The following ARID1B variants were observed in gnomAD, a reference collection of about 807,000 sequenced individuals.
ARID1B encodes the protein AT-rich interaction domain 1B, also known as AT-rich interactive domain-containing protein 1B.
A neutral mutation model predicts 212.3 loss-of-function variants in ARID1B; 30 were observed. That is an observed-to-expected ratio of 0.14 (90% CI 0.11 to 0.19). The LOEUF (loss-of-function observed/expected upper bound fraction) is 0.19, where lower values mean the gene tolerates loss of function less well. Among genes scored for constraint, ARID1B ranks in the 10% least tolerant of loss-of-function variants. ARID1B has a pLI of 1.00. For synonymous variants in ARID1B, 1,402 were observed against 1,301.7 expected, an observed-to-expected ratio of 1.08 and a Z score of -1.66; for missense variants, 2,891 against 3,204.0, an observed-to-expected ratio of 0.90 and a Z score of 2.36.
At chr6:157,106,735 G>T (rs1342682147) in intron 5 of ARID1B, among the ~76,000 whole-genome samples, 1 of 152,168 alleles carries the variant, frequency 6.6e-6, no homozygotes, top group Non-Finnish European at 1.5e-5. Context: ...GAGAGGAGGG[G>T]ATTACTCACC....
chr6:156,925,738 GA>G (rs758701352), intron 3 of ARID1B, among the ~76,000 whole-genome samples: 6 of 152,076 alleles, frequency 3.9e-5, no homozygotes, highest in Non-Finnish European at 1.5e-5. Flanking sequence ...AAGATTTTTG[GA>G]GCAGAGGGGA....
intron 1 of ARID1B, among the ~76,000 whole-genome samples, chr6:156,811,864 A>G (rs1451707349): frequency 6.6e-6 from 1 of 152,172 alleles, no homozygotes; most frequent in Admixed American, 6.5e-5. Flanking sequence ...GCTTATCTCA[A>G]GGGATATCAG....
intron 4 of ARID1B, among the ~76,000 whole-genome samples, chr6:157,013,184 G>A (rs887195765): frequency 2.0e-5 from 3 of 152,248 alleles, no homozygotes; most frequent in Non-Finnish European, 4.4e-5. Flanking sequence ...CTGCCGGCAT[G>A]AAGTTTTGAA....
chr6:156,828,490 G>T (rs1782915491), intron 1 of ARID1B, among the ~76,000 whole-genome samples: 1 of 152,184 alleles, frequency 6.6e-6, no homozygotes, highest in Non-Finnish European at 1.5e-5. Context: ...GACGTCCCAG[G>T]ACATGAAGGG....
intron 2 of ARID1B, among the ~76,000 whole-genome samples, chr6:156,862,995 C>T (rs180787075): frequency 3.9e-5 from 6 of 152,262 alleles, no homozygotes; most frequent in East Asian, 3.9e-4. Flanking sequence ...TATGGGCCTG[C>T]GCCTTAGTTG....
chr6:156,913,217 C>CT (rs372967890), intron 3 of ARID1B, among the ~76,000 whole-genome samples: 41,693 of 128,956 alleles, frequency 0.32, 7,121 homozygotes, highest in African/African-American at 0.44. Flanking sequence ...TTTTCTTTTT[C>CT]TTTTTTTTTT....
chr6:157,171,631 C>G (rs747384347), intron 9 of ARID1B, among the ~76,000 whole-genome samples: 1 of 152,200 alleles, frequency 6.6e-6, no homozygotes, highest in Non-Finnish European at 1.5e-5. Context: ...CCATTTATTA[C>G]TCTAAATTCT....
chr6:156,785,103 C>T (rs1180928621), intron 1 of ARID1B, among the ~76,000 whole-genome samples: 1 of 152,104 alleles, frequency 6.6e-6, no homozygotes, highest in Admixed American at 6.5e-5. Flanking sequence ...GTTTTCAAAC[C>T]CACATCTGTA....
At chr6:157,129,362 AG>A (rs1788372735) in intron 6 of ARID1B, among the ~76,000 whole-genome samples, 1 of 152,206 alleles carries the variant, frequency 6.6e-6, no homozygotes, top group Admixed American at 6.5e-5. Flanking sequence ...TTCCATTCCC[AG>A]TCCACTGCCG....
chr6:157,145,633 G>A (rs1008880483), intron 7 of ARID1B, among the ~76,000 whole-genome samples: 1 of 152,120 alleles, frequency 6.6e-6, no homozygotes, highest in African/African-American at 2.4e-5. Flanking sequence ...TAAGAAAGCC[G>A]GTTTTGACCA....
Position 157,201,617 on chromosome 6 carries a change from C to A in ARID1B, c.5263+129C>A. On this transcript the variant is annotated intron_variant, in intron 18 of 19. Transcript: ENST00000636930. This position sits in a 1 kb window ranked among gnomAD's most constrained non-coding sequence, Gnocchi z 5.2. ...ATTATGACTAGAAGTTATCAAGATG[C>A]GTTTTTATATAGGAGTAATATAGTT... is the stretch of plus-strand genomic sequence containing the variant. The A allele has an allele frequency of 9.0e-7, 1 of 1,110,666 alleles. No individual in the cohort carries two copies. Among genetic ancestry groups the A allele is most frequent in the Non-Finnish European group, 1.2e-6 (1 of 816,582 alleles). 68.8% of individuals were successfully genotyped at this position (1,110,666 alleles called of 1,614,324 possible). A position where few individuals can be genotyped will look rare whatever the true frequency, so the allele number is the denominator to read the frequency against.
intron 6 of ARID1B, among the ~76,000 whole-genome samples, chr6:157,129,881 G>T (rs542102579): frequency 6.6e-6 from 1 of 152,246 alleles, no homozygotes; most frequent in Non-Finnish European, 1.5e-5. Context: ...TAAGAGTATC[G>T]TATACTGCTG....
chr6:157,154,091 G>A (rs1387014094), intron 8 of ARID1B, among the ~76,000 whole-genome samples: 3 of 152,184 alleles, frequency 2.0e-5, no homozygotes, highest in Non-Finnish European at 4.4e-5. Context: ...GCAATTGACA[G>A]CTCTTCAAAA....
chr6:157,017,226 T>C (rs1295791053), intron 4 of ARID1B, among the ~76,000 whole-genome samples: 1 of 152,228 alleles, frequency 6.6e-6, no homozygotes, highest in Non-Finnish European at 1.5e-5. Context: ...CAAATGTCAT[T>C]GCCCAGTGTA....
chr6:157,008,104 C>CCTT (rs1385326305), intron 4 of ARID1B, among the ~76,000 whole-genome samples: 27 of 151,680 alleles, frequency 1.8e-4, no homozygotes, highest in Non-Finnish European at 3.5e-4. Context: ...TTCTTACTTT[C>CCTT]CCTCTCTTCC....
chr6:157,203,752 A>G lies in ARID1B; in HGVS notation c.5264-114A>G, dbSNP rs1301819136. ...TAACTGTCCTTGAGAGCATTTGTTTAAAGTCAATATTTAACTTAACACTCC... is the reference window on the plus strand; with the variant it reads ...TAACTGTCCTTGAGAGCATTTGTTTGAAGTCAATATTTAACTTAACACTCC... On this transcript the variant is annotated intron_variant, in intron 18 of 19. Coordinates refer to ENST00000636930, the MANE Select transcript of ARID1B (RefSeq NM_001374828.1). The surrounding 1 kb of genome is among the most constrained non-coding windows in gnomAD (Gnocchi z 4.4). 1.0e-5 allele frequency: 13 copies of G among 1,297,208 alleles called. No homozygotes were observed. In the South Asian group the frequency reaches 1.3e-4, roughly 13 times the overall value. The allele number at this position is 1,297,208 out of a possible 1,614,324, so 80.4% of individuals were successfully genotyped here.
At chr6:157,099,115 C>T (rs536038441) in intron 5 of ARID1B, among the ~76,000 whole-genome samples, 6 of 152,198 alleles carry the variant, frequency 3.9e-5, no homozygotes, top group African/African-American at 1.4e-4. Flanking sequence ...AGGTGCCCAC[C>T]ACCACGCATT....
chr6:157,186,475 G>C (rs527333760), intron 13 of ARID1B: 15 of 470,990 alleles, frequency 3.2e-5, no homozygotes, highest in Non-Finnish European at 6.6e-5. Flanking sequence ...TCTGGGGGTC[G>C]CAGGCAGAGG....
chr6:157,058,163 T>C (rs552033605), intron 4 of ARID1B, among the ~76,000 whole-genome samples: 12 of 152,296 alleles, frequency 7.9e-5, no homozygotes, highest in African/African-American at 2.9e-4. Flanking sequence ...TCACCTCCAG[T>C]AGGGCCACGA....
Sources: gnomAD v4.1 joint callset for allele counts (sites outside exome capture counted in the v4.1 genomes callset) on GRCh38, gnomAD v4.1.1 for gene constraint, Gnocchi (gnomAD v3.1) non-coding constraint, MANE v1.5 for transcripts, NCBI Gene and HGNC (gene_info 2026-07-23, HGNC 2026-07-21) for gene names.